AGBL4: variants seen among roughly 807,000 people sequenced by gnomAD.
AGBL4 encodes the protein AGBL carboxypeptidase 4.
A neutral mutation model predicts 66.4 loss-of-function variants in AGBL4; 58 were observed. That is an observed-to-expected ratio of 0.87 (90% CI 0.71 to 1.09). The LOEUF (loss-of-function observed/expected upper bound fraction) is 1.09, where lower values mean the gene tolerates loss of function less well. Ranked by LOEUF, AGBL4 falls within the 50% of genes least tolerant of loss-of-function variation. AGBL4 has a pLI of 0.00. For synonymous variants in AGBL4, 234 were observed against 222.9 expected (o/e 1.05, Z -0.44); for missense variants, 579 against 631.0 (o/e 0.92, Z 0.88).
chr1:49,893,265 A>G (rs115704451), intron 1 of AGBL4, among the ~76,000 whole-genome samples: 321 of 152,342 alleles, frequency 2.1e-3, no homozygotes, highest in Middle Eastern at 3.4e-3. Flanking sequence ...GACCAGAAGG[A>G]CAGAGCAAGA....
chr1:49,728,240 C>T (rs1649174984), intron 2 of AGBL4, among the ~76,000 whole-genome samples: 1 of 152,070 alleles, frequency 6.6e-6, no homozygotes, highest in South Asian at 2.1e-4. Flanking sequence ...AGGGAGATTA[C>T]CCAGCATAAC....
At chr1:49,844,757 A>G in intron 2 of AGBL4, 1 of 1,593,634 alleles carries the variant, frequency 6.3e-7, no homozygotes, top group South Asian at 1.1e-5. Flanking sequence ...GAAATATCCA[A>G]CAATGTCATC....
At chr1:49,973,624 C>T (rs1449581081) in intron 1 of AGBL4, among the ~76,000 whole-genome samples, 1 of 147,658 alleles carries the variant, frequency 6.8e-6, no homozygotes, top group African/African-American at 2.5e-5. Flanking sequence ...ATCTATTATA[C>T]ATATATATTA....
At chr1:48,723,043 T>C (rs1241203543) in intron 6 of AGBL4, among the ~76,000 whole-genome samples, 1 of 152,150 alleles carries the variant, frequency 6.6e-6, no homozygotes, top group Non-Finnish European at 1.5e-5. Context: ...ACACACCAAG[T>C]GGAAGAAACA....
chr1:49,412,976 G>A (rs1186778878), intron 3 of AGBL4, among the ~76,000 whole-genome samples: 1 of 152,136 alleles, frequency 6.6e-6, no homozygotes, highest in African/African-American at 2.4e-5. Context: ...GTGGGATAAG[G>A]TTTTAAAAGA....
intron 1 of AGBL4, among the ~76,000 whole-genome samples, chr1:49,972,324 C>T (rs570397937): frequency 6.6e-6 from 1 of 152,140 alleles, no homozygotes; most frequent in Admixed American, 6.5e-5. Flanking sequence ...CCCCTCCCAC[C>T]CTTTCCACTT....
intron 4 of AGBL4, among the ~76,000 whole-genome samples, chr1:49,152,183 G>A (rs866725305): frequency 6.6e-6 from 1 of 152,144 alleles, no homozygotes; most frequent in African/African-American, 2.4e-5. Context: ...CACCATGTCT[G>A]TCTGGGTTAC....
intron 7 of AGBL4, among the ~76,000 whole-genome samples, chr1:48,654,920 A>G (rs1370187163): frequency 6.6e-6 from 1 of 152,244 alleles, no homozygotes; most frequent in Non-Finnish European, 1.5e-5. Flanking sequence ...AGGCAGGGTA[A>G]TGATGCCAGG....
chr1:49,751,554 A>T (rs986485146), intron 2 of AGBL4, among the ~76,000 whole-genome samples: 1 of 151,880 alleles, frequency 6.6e-6, no homozygotes, highest in African/African-American at 2.4e-5. Flanking sequence ...TTTGTGTTGG[A>T]TCTCTACCAG....
intron 3 of AGBL4, among the ~76,000 whole-genome samples, chr1:49,457,365 A>G (rs1646412811): frequency 6.6e-6 from 1 of 151,744 alleles, no homozygotes; most frequent in African/African-American, 2.4e-5. Flanking sequence ...AACCATTTGT[A>G]TATCTTCTTT....
rs185494207 is a variant in AGBL4 at position 48,943,217 on chromosome 1, A to G, written c.595-75987T>C. Among the ~76,000 whole-genome samples the G allele has an allele frequency of 4.5e-3, 684 of 152,324 alleles. 1 individual carries two copies. Among genetic ancestry groups the G allele is most frequent in the Non-Finnish European group, 6.9e-3 (469 of 68,030 alleles). ...CACCACTGACAATGTCCCTGCCCCC[A>G]TAGCGCCTAAATCCAGTGTGTGGGA... On this transcript the variant is annotated intron_variant, in intron 5 of 13. Transcript: ENST00000371839.
chr1:48,782,541 A>G (rs1457313534), intron 6 of AGBL4, among the ~76,000 whole-genome samples: 1 of 151,976 alleles, frequency 6.6e-6, no homozygotes, highest in East Asian at 1.9e-4. Flanking sequence ...TTTTTTCATG[A>G]TTTTGCCTTT....
intron 6 of AGBL4, among the ~76,000 whole-genome samples, chr1:48,763,877 T>C (rs1644400720): frequency 6.6e-6 from 1 of 152,194 alleles, no homozygotes; most frequent in African/African-American, 2.4e-5. Flanking sequence ...AGGGGCAGGA[T>C]GAACAGGGTC....
chr1:50,019,138 A>G (rs1557664382), intron 1 of AGBL4, among the ~76,000 whole-genome samples: 1 of 152,100 alleles, frequency 6.6e-6, no homozygotes, highest in African/African-American at 2.4e-5. Flanking sequence ...TTGCCTTTCC[A>G]TAATAAAAAG....
intron 5 of AGBL4, chr1:49,025,467 G>A (rs1029804952): frequency 2.6e-5 from 4 of 152,200 alleles, no homozygotes; most frequent in Admixed American, 2.6e-4. Context: ...AGAAGTCAGA[G>A]CCCTCACTCC....
At chr1:48,846,065 C>T (rs886330500) in intron 6 of AGBL4, among the ~76,000 whole-genome samples, 3 of 151,966 alleles carry the variant, frequency 2.0e-5, no homozygotes, top group African/African-American at 7.3e-5. Flanking sequence ...AGAGTATTGG[C>T]TTAAAGGGTA....
intron 4 of AGBL4, among the ~76,000 whole-genome samples, chr1:49,232,985 G>T (rs1044644596): frequency 6.6e-6 from 1 of 152,002 alleles, no homozygotes; most frequent in African/African-American, 2.4e-5. Flanking sequence ...TTCATCTTAG[G>T]ATGCTCCAAA....
chr1:49,055,652 T>C lies in AGBL4; in HGVS notation c.378-9852A>G, dbSNP rs538957556. On this transcript the variant is annotated intron_variant, in intron 4 of 13. Transcript: ENST00000371839. ...AAAATACTAATGACATAGTGTTAGA[T>C]ATAGGTGTAGCTAAGAAACTGAGTA... is the stretch of plus-strand genomic sequence containing the variant. Among the ~76,000 whole-genome samples the C allele has an allele frequency of 3.0e-4, 45 of 152,214 alleles. 2 individuals are homozygous for C. The South Asian group carries it at 8.7e-3, about 29-fold the overall frequency.
chr1:48,854,024 C>T (rs1388359240), intron 6 of AGBL4, among the ~76,000 whole-genome samples: 1 of 152,192 alleles, frequency 6.6e-6, no homozygotes, highest in African/African-American at 2.4e-5. Context: ...ACATGCATTA[C>T]ATTTACATGT....
Sources: allele counts gnomAD v4.1 joint callset (sites outside exome capture counted in the v4.1 genomes callset), GRCh38; gene constraint gnomAD v4.1.1; transcripts MANE v1.5; gene names NCBI Gene and HGNC (gene_info 2026-07-23, HGNC 2026-07-21).